The following CALCRL variants were observed in gnomAD, a reference collection of about 807,000 sequenced individuals.
The protein encoded by CALCRL is calcitonin gene-related peptide type 1 receptor.
In CALCRL, 27 loss-of-function variants were observed where a neutral mutation model predicts 60.4. That is an observed-to-expected ratio of 0.45 (90% CI 0.33 to 0.62). The LOEUF (loss-of-function observed/expected upper bound fraction) is 0.62. CALCRL is among the 20% of genes least tolerant of loss of function. The probability of loss-of-function intolerance (pLI) is 0.03; values close to 1 mark genes in which losing one functional copy is unlikely to be tolerated. For missense variants in CALCRL, 424 were observed against 540.7 expected (o/e 0.78, Z 2.14); for synonymous variants, 190 against 182.6 (o/e 1.04, Z -0.33).
chr2:187,390,916 C>G (rs912219408), intron 1 of CALCRL, among the ~76,000 whole-genome samples: 3 of 152,102 alleles, frequency 2.0e-5, no homozygotes, highest in Admixed American at 2.0e-4. Flanking sequence ...TTTGGTAGTG[C>G]AATTCACTTG....
intron 8 of CALCRL, among the ~76,000 whole-genome samples, chr2:187,363,932 T>C (rs1258698678): frequency 1.3e-5 from 2 of 152,206 alleles, no homozygotes; most frequent in Non-Finnish European, 2.9e-5. Context: ...ACCATATATA[T>C]TGTTCTGTTT....
At chr2:187,351,536 G>C (rs574193823) in intron 14 of CALCRL, among the ~76,000 whole-genome samples, 2 of 151,912 alleles carry the variant, frequency 1.3e-5, no homozygotes, top group South Asian at 4.1e-4. Context: ...GCAAAAAAGA[G>C]AAAGAGGGAA....
chr2:187,420,217 A>G (rs1025856826), intron 1 of CALCRL, among the ~76,000 whole-genome samples: 2 of 152,178 alleles, frequency 1.3e-5, no homozygotes, highest in African/African-American at 4.8e-5. Flanking sequence ...TCTTTAAAAG[A>G]GAGGTTTCTG....
At chr2:187,418,265 C>T (rs1255655675) in intron 1 of CALCRL, among the ~76,000 whole-genome samples, 1 of 152,082 alleles carries the variant, frequency 6.6e-6, no homozygotes, top group Non-Finnish European at 1.5e-5. Context: ...ATTCTTCACA[C>T]CTATATTTAG....
intron 1 of CALCRL, among the ~76,000 whole-genome samples, chr2:187,430,710 T>G (rs1284577867): frequency 6.6e-6 from 1 of 152,092 alleles, no homozygotes; most frequent in Non-Finnish European, 1.5e-5. Flanking sequence ...AGTTTTTTCT[T>G]CGCTTATAAA....
At chr2:187,389,001 T>C (rs935729174) in intron 1 of CALCRL, among the ~76,000 whole-genome samples, 2 of 151,912 alleles carry the variant, frequency 1.3e-5, no homozygotes, top group Non-Finnish European at 2.9e-5. Context: ...TTCTTTCTGA[T>C]GGGCTAATTT....
chr2:187,438,109 A>C (rs1289360937), intron 1 of CALCRL, among the ~76,000 whole-genome samples: 1 of 152,188 alleles, frequency 6.6e-6, no homozygotes, highest in Admixed American at 6.5e-5. Context: ...TTTTAAAAGA[A>C]AACAATAAAG....
intron 14 of CALCRL, among the ~76,000 whole-genome samples, chr2:187,351,380 AGTACATG>A (rs1686526298): frequency 1.3e-5 from 2 of 151,834 alleles, no homozygotes; most frequent in South Asian, 4.1e-4. Flanking sequence ...AGTACTGAAG[AGTACATG>A]GTCATGTTAT....
intron 1 of CALCRL, among the ~76,000 whole-genome samples, chr2:187,440,989 T>C (rs939601266): frequency 1.3e-5 from 2 of 152,054 alleles, no homozygotes; most frequent in Admixed American, 1.3e-4. Flanking sequence ...TTGAAGGCCT[T>C]CCTATCCAAA....
intron 1 of CALCRL, chr2:187,436,531 C>T (rs1488198505): frequency 6.6e-6 from 1 of 152,154 alleles, no homozygotes; most frequent in Non-Finnish European, 1.5e-5. Context: ...ATTTACTTTT[C>T]ACAATTTTTT....
At chr2:187,375,273 C>T (rs1390440391) in intron 8 of CALCRL, among the ~76,000 whole-genome samples, 1 of 63,372 alleles carries the variant, frequency 1.6e-5, no homozygotes, top group Non-Finnish European at 3.1e-5. Flanking sequence ...AGCGAGACTC[C>T]GTCTCAAAAA....
intron 1 of CALCRL, among the ~76,000 whole-genome samples, chr2:187,395,567 T>C (rs951006903): frequency 6.6e-6 from 1 of 152,062 alleles, no homozygotes; most frequent in African/African-American, 2.4e-5. Context: ...GAAATTAAAT[T>C]TGTTACCTTA....
At chr2:187,446,743 A>G (rs1377319668) in intron 1 of CALCRL, among the ~76,000 whole-genome samples, 1 of 151,848 alleles carries the variant, frequency 6.6e-6, no homozygotes, top group African/African-American at 2.4e-5. Flanking sequence ...TTGAAAAGAG[A>G]GAGAAATCAG....
At chr2:187,400,630 A>G (rs1236163157) in intron 1 of CALCRL, among the ~76,000 whole-genome samples, 2 of 151,530 alleles carry the variant, frequency 1.3e-5, no homozygotes, top group African/African-American at 4.8e-5. Flanking sequence ...CAGCTCAAAT[A>G]TTCATCAATT....
At chr2:187,412,456 T>C (rs2105851121) in intron 1 of CALCRL, among the ~76,000 whole-genome samples, 2 of 152,286 alleles carry the variant, frequency 1.3e-5, no homozygotes, top group Middle Eastern at 6.8e-3. Flanking sequence ...TCTCTCTGAC[T>C]CTTTTCTTTC....
chr2:187,359,323 G>GT, intron 10 of CALCRL, 51 bp from the exon 11 acceptor site: 11 of 1,328,824 alleles, frequency 8.3e-6, no homozygotes, highest in Non-Finnish European at 1.1e-5. Flanking sequence ...TCTACAGATG[G>GT]TATTTCAAAA....
Position 187,383,936 on chromosome 2 carries a change from C to A in CALCRL, c.52-631G>T, listed in dbSNP as rs141025245. ...AATATAGTAGCACTATTTTAAGCTT[C>A]AATTCTACTTTAGTTTCCACGTGAC... On this transcript the variant is annotated intron_variant, in intron 4 of 14. Transcript: ENST00000392370. Among the ~76,000 whole-genome samples the A allele has an allele frequency of 3.2e-4, 49 of 152,244 alleles. No homozygotes were observed. The East Asian group carries it at 8.7e-3, about 27-fold the overall frequency.
chr2:187,435,095 G>C (rs900600430), intron 1 of CALCRL, among the ~76,000 whole-genome samples: 2 of 152,154 alleles, frequency 1.3e-5, no homozygotes, highest in African/African-American at 4.8e-5. Flanking sequence ...ATATGTGTAT[G>C]TGTTAATGTC....
intron 1 of CALCRL, among the ~76,000 whole-genome samples, chr2:187,436,882 T>C (rs186692193): frequency 5.3e-5 from 8 of 152,348 alleles, no homozygotes; most frequent in Admixed American, 4.6e-4. Context: ...TTCTATGTGC[T>C]CCCCTTTTCT....
Sources: gnomAD v4.1 joint callset for allele counts (sites outside exome capture counted in the v4.1 genomes callset) on GRCh38, gnomAD v4.1.1 for gene constraint, MANE v1.5 for transcripts, NCBI Gene and HGNC (gene_info 2026-07-23, HGNC 2026-07-21) for gene names.